The following DNPEP variants were observed in gnomAD, a reference collection of about 807,000 sequenced individuals.
DNPEP encodes aspartyl aminopeptidase.
A neutral mutation model predicts 59.1 loss-of-function variants in DNPEP; 46 were observed. The observed-to-expected ratio is 0.78, with a 90% CI of 0.61 to 0.99. DNPEP has a LOEUF of 0.99. Ranked by LOEUF, DNPEP falls within the 50% of genes least tolerant of loss-of-function variation. The pLI is 0.00. For missense variants in DNPEP, 617 were observed against 649.9 expected, an observed-to-expected ratio of 0.95 and a Z score of 0.55; for synonymous variants, 229 against 242.2, an observed-to-expected ratio of 0.95 and a Z score of 0.50.
chr2:219,390,627 G>A (rs543976286), upstream of DNPEP, among the ~76,000 whole-genome samples: 12 of 152,248 alleles, frequency 7.9e-5, no homozygotes, highest in Non-Finnish European at 1.2e-4. Context: ...AGGCAAAGGC[G>A]GGTGGATCAC....
rs781738602 is a variant in DNPEP, at chr2:219,386,320, C to T, written c.425G>A (p.Arg142His). Reference protein sequence around the residue: ...GGGIWSTWFDRDLTLAGRVIV... With the variant: ...GGGIWSTWFDHDLTLAGRVIV... ...GACGCGTCCAGCCAGAGTCAGGTCA[C>T]GGTCAAACCAGGTGCTCCAGATCCC... is the stretch of plus-strand genomic sequence containing the variant. Residue 142 changes from arginine (R) to histidine (H), a missense_variant, in exon 5 of 15, where the codon CGT (arginine) becomes CAT (histidine). Physicochemically the swap from Arg to His is conservative, Grantham distance 29. Transcript: ENST00000273075. The T allele has an allele frequency of 1.7e-5, 28 of 1,614,102 alleles. No homozygotes were observed. The highest frequency in any genetic ancestry group is 4.5e-5 in the East Asian group (2 of 44,896).
upstream of DNPEP, chr2:219,388,866 A>G (rs892553941): frequency 6.1e-6 from 6 of 985,316 alleles, no homozygotes; most frequent in African/African-American, 7.0e-5. Context: ...CCCATCAACT[A>G]TGTACTCTTA....
chr2:219,385,182 T>G, intron 8 of DNPEP: 1 of 467,346 alleles, frequency 2.1e-6, no homozygotes, highest in Non-Finnish European at 3.9e-6. Flanking sequence ...TAGAAGAAAC[T>G]CTTTGGGAAT....
rs780062757 is a variant in DNPEP, at chr2:219,381,632, G to A, written c.1098-48C>T. ...AGACATAGCAAACAGGAGCAGGCCT[G>A]TCGACACTCACCACCCTCCCATGGC... On this transcript the variant is annotated intron_variant, in intron 11 of 14. Transcript: ENST00000273075. 25 of 1,589,864 alleles carry A rather than the reference G, an allele frequency of 1.6e-5. 1 individual carries two copies. The highest frequency in any genetic ancestry group is 1.7e-5 in the Admixed American group (1 of 59,976).
intron 1 of DNPEP, among the ~76,000 whole-genome samples, chr2:219,399,219 C>T (rs371754659): frequency 1.5e-3 from 225 of 152,326 alleles, no homozygotes; most frequent in African/African-American, 4.8e-3. Context: ...GCCTCTGACT[C>T]CTTTCCAAGC....
In DNPEP at chr2:219,374,964, G is replaced by C; in HGVS notation, c.1298C>G (p.Ser433Cys). 6.2e-7 allele frequency: 1 copy of C among 1,614,182 alleles called. No individual in the cohort carries two copies. Among genetic ancestry groups the C allele is most frequent in the Non-Finnish European group, 8.5e-7 (1 of 1,180,040 alleles). Residue 433 changes from serine (S) to cysteine (C), a missense_variant, in exon 14 of 15, where the codon TCT (serine) becomes TGT (cysteine). Ser to Cys is a moderately radical substitution (Grantham distance 112, BLOSUM62 -1). Transcript: ENST00000273075. ...CGTTIGPILASRLGLRVLDLG... is the reference protein window; with the variant it reads ...CGTTIGPILACRLGLRVLDLG... ...ATCCAGCACCCGCAGCCCCAGCCGA[G>C]AAGCCAAGATAGGTCCAATGGTGGT...
chr2:219,394,553 G>A (rs1954066257), intron 1 of DNPEP, among the ~76,000 whole-genome samples: 1 of 152,010 alleles, frequency 6.6e-6, no homozygotes, highest in African/African-American at 2.4e-5. Flanking sequence ...TGGGATTACA[G>A]GCATGAGCCA....
intron 13 of DNPEP, among the ~76,000 whole-genome samples, chr2:219,380,418 C>T (rs1424737834): frequency 6.6e-6 from 1 of 151,984 alleles, no homozygotes; most frequent in Non-Finnish European, 1.5e-5. Context: ...GATGGGGTTT[C>T]ACCATGTTGG....
At chr2:219,394,316 G>A (rs929253606) in intron 1 of DNPEP, among the ~76,000 whole-genome samples, 1 of 152,118 alleles carries the variant, frequency 6.6e-6, no homozygotes, top group African/African-American at 2.4e-5. Flanking sequence ...TGACATAGCC[G>A]TTTGCTCTCC....
chr2:219,381,322 G>A lies in DNPEP; in HGVS notation c.1239+13C>T, dbSNP rs1344114722. 1 of 1,612,042 alleles carries A rather than the reference G, an allele frequency of 6.2e-7. No homozygotes were observed. Among genetic ancestry groups the A allele is most frequent in the South Asian group, 1.1e-5 (1 of 91,018 alleles). On this transcript the variant is annotated intron_variant, in intron 13 of 14. Coordinates refer to ENST00000273075, the MANE Select transcript of DNPEP (RefSeq NM_012100.4). Reference sequence around the variant, plus strand: ...CCCTCCATCACACCTTCCCAGGCAGGGCCCACCCTCACCTGCAGGGGGACC... The same window carrying A: ...CCCTCCATCACACCTTCCCAGGCAGAGCCCACCCTCACCTGCAGGGGGACC...
chr2:219,383,351 G>A, intron 9 of DNPEP, 137 bp from the exon 10 acceptor site: 1 of 702,426 alleles, frequency 1.4e-6, no homozygotes, highest in South Asian at 1.7e-5. Context: ...GCCTTCCATG[G>A]CCATGACTTT....
intron 8 of DNPEP, chr2:219,384,901 AC>A (rs1478426626): frequency 5.9e-6 from 1 of 169,188 alleles, no homozygotes; most frequent in African/African-American, 2.4e-5. Context: ...GTGCTGAGGA[AC>A]AAAAGGGTGG....
intron 1 of DNPEP, chr2:219,399,599 T>A: frequency 1.6e-6 from 1 of 634,326 alleles, no homozygotes; most frequent in East Asian, 3.1e-5. Flanking sequence ...TTGAACTCAG[T>A]TGTTGGGCAA....
intron 1 of DNPEP, among the ~76,000 whole-genome samples, chr2:219,396,543 G>A (rs773895181): frequency 4.6e-5 from 7 of 151,446 alleles, no homozygotes; most frequent in Non-Finnish European, 8.8e-5. Context: ...AGCTGAGATC[G>A]TACCACTACA....
At chr2:219,376,345 G>A (rs373529603) in intron 13 of DNPEP, among the ~76,000 whole-genome samples, 15 of 151,856 alleles carry the variant, frequency 9.9e-5, no homozygotes, top group African/African-American at 3.1e-4. Context: ...AGAAACAGCC[G>A]GGCATGGTGG....
chr2:219,385,135 A>G lies in DNPEP; in HGVS notation c.774+289T>C, dbSNP rs1574986121. 5 of 354,618 alleles carry G rather than the reference A, an allele frequency of 1.4e-5. No individual in the cohort carries two copies. The East Asian group carries it at 2.3e-4, about 17-fold the overall frequency. The allele number at this position is 354,618 out of a possible 1,614,324, so 22.0% of individuals were successfully genotyped here. A position where few individuals can be genotyped will look rare whatever the true frequency, so the allele number is the denominator to read the frequency against. ...CCAGGCCTCTTTCCCTAAGCAGTTC[A>G]GTGTCAGTGTGGGTCAAAGCAGACA... On this transcript the variant is annotated intron_variant, in intron 8 of 14. Transcript: ENST00000273075.
In DNPEP at chr2:219,399,355, T is replaced by G. The variant is rs979714920; in HGVS notation, c.-158+585A>C. On this transcript the variant is annotated intron_variant, in intron 1 of 6. Coordinates refer to the DNPEP transcript ENST00000434339. ...TCCACCAGGCATGGGGCTTGGAAACTGGCAGGTGTTTAAACTCTAAGGCAG... is the reference window on the plus strand; with the variant it reads ...TCCACCAGGCATGGGGCTTGGAAACGGGCAGGTGTTTAAACTCTAAGGCAG... 2.1e-5 allele frequency: 9 copies of G among 436,424 alleles called. No homozygotes were observed. In the Admixed American group the frequency reaches 2.3e-4, roughly 11 times the overall value. 27.0% of individuals were successfully genotyped at this position (436,424 alleles called of 1,614,324 possible).
chr2:219,396,791 T>A (rs1480697124), intron 1 of DNPEP, among the ~76,000 whole-genome samples: 1 of 152,200 alleles, frequency 6.6e-6, no homozygotes, highest in African/African-American at 2.4e-5. Context: ...AGTGTAATAC[T>A]GTGCTGTGCT....
At chr2:219,398,475 C>A (rs185980561) in intron 1 of DNPEP, among the ~76,000 whole-genome samples, 1 of 152,160 alleles carries the variant, frequency 6.6e-6, no homozygotes, top group Non-Finnish European at 1.5e-5. Flanking sequence ...CATGGTGAAA[C>A]CCTGTCTCTA....
Sources: gnomAD v4.1 joint callset for allele counts (sites outside exome capture counted in the v4.1 genomes callset) on GRCh38, gnomAD v4.1.1 for gene constraint, MANE v1.5 for transcripts, NCBI Gene and HGNC (gene_info 2026-07-23, HGNC 2026-07-21) for gene names.